ADAM22: variants seen among roughly 807,000 people sequenced by gnomAD.
ADAM22 encodes the protein disintegrin and metalloproteinase domain-containing protein 22.
A neutral mutation model predicts 144.6 loss-of-function variants in ADAM22; 65 were observed. The observed-to-expected ratio is 0.45, with a 90% CI of 0.37 to 0.55. The LOEUF (loss-of-function observed/expected upper bound fraction) is 0.55, where lower values mean the gene tolerates loss of function less well. Among genes scored for constraint, ADAM22 ranks in the 20% least tolerant of loss-of-function variants. ADAM22 has a pLI of 0.00. For missense variants in ADAM22, 974 were observed against 1,184.9 expected (o/e 0.82, Z 2.61); for synonymous variants, 391 against 412.6 (o/e 0.95, Z 0.63).
chr7:88,028,084 C>CT (rs1171025335), intron 3 of ADAM22, among the ~76,000 whole-genome samples: 1 of 152,172 alleles, frequency 6.6e-6, no homozygotes, highest in Non-Finnish European at 1.5e-5. Context: ...TGTGTCCAGC[C>CT]TTTTTTCTAC....
At chr7:88,141,400 G>C (rs1434362552) in intron 14 of ADAM22, among the ~76,000 whole-genome samples, 1 of 151,916 alleles carries the variant, frequency 6.6e-6, no homozygotes, top group Non-Finnish European at 1.5e-5. Context: ...ATGAGTTTAG[G>C]GTAAATAATC....
intron 3 of ADAM22, among the ~76,000 whole-genome samples, chr7:88,022,542 T>A (rs569479115): frequency 6.6e-6 from 1 of 152,286 alleles, no homozygotes; most frequent in African/African-American, 2.4e-5. Flanking sequence ...AAAGAGGATT[T>A]GGGTTAATGA....
At chr7:87,936,790 C>G (rs1336103877) in intron 2 of ADAM22, among the ~76,000 whole-genome samples, 2 of 151,040 alleles carry the variant, frequency 1.3e-5, no homozygotes, top group Non-Finnish European at 2.9e-5. Flanking sequence ...ATTTCCAGTT[C>G]TCGTAAATAT....
intron 18 of ADAM22, among the ~76,000 whole-genome samples, chr7:88,150,227 C>G (rs1000008544): frequency 2.6e-5 from 4 of 152,134 alleles, no homozygotes; most frequent in African/African-American, 9.7e-5. Flanking sequence ...TTTACAAGTT[C>G]AATTTGCATT....
At chr7:88,188,836 A>G (rs1028382696) in intron 30 of ADAM22, among the ~76,000 whole-genome samples, 1 of 152,150 alleles carries the variant, frequency 6.6e-6, no homozygotes, top group Admixed American at 6.5e-5. Flanking sequence ...CTTCCTGTCA[A>G]AACCACCACT....
intron 4 of ADAM22, among the ~76,000 whole-genome samples, chr7:88,101,589 A>C (rs1016144325): frequency 2.6e-5 from 4 of 152,170 alleles, no homozygotes; most frequent in African/African-American, 9.7e-5. Context: ...ATGATATCCT[A>C]TGACCAGCAC....
intron 3 of ADAM22, among the ~76,000 whole-genome samples, chr7:88,019,309 A>G (rs1797208937): frequency 6.6e-6 from 1 of 151,614 alleles, no homozygotes; most frequent in Non-Finnish European, 1.5e-5. Flanking sequence ...CTCTGTCTCT[A>G]TTAAAAATAC....
chr7:87,983,280 T>A (rs1854161236), intron 3 of ADAM22, among the ~76,000 whole-genome samples: 1 of 152,184 alleles, frequency 6.6e-6, no homozygotes, highest in South Asian at 2.1e-4. Context: ...TTTACAGTGC[T>A]GAGTCTTCCC....
chr7:88,143,028 A>G lies in ADAM22; in HGVS notation c.1223A>G (p.Tyr408Cys). Reference protein sequence around the residue: ...WSGCIMGDTGYYLPKKFTQCN... With the variant: ...WSGCIMGDTGCYLPKKFTQCN... ...ATTGCTTTTCTTCTCTTTTATAGCT[A>G]TTATCTTCCTAAAAAGTTCACCCAG... The change falls in exon 15 of 32, where the codon TAT (tyrosine) becomes TGT (cysteine). Residue 408 changes from tyrosine to cysteine, a missense_variant and splice_region_variant. Transcript: ENST00000413139. 1.9e-6 allele frequency: 3 copies of G among 1,596,602 alleles called. No homozygotes were observed. The highest frequency in any genetic ancestry group is 2.6e-6 in the Non-Finnish European group (3 of 1,166,032).
intron 2 of ADAM22, among the ~76,000 whole-genome samples, chr7:87,944,346 C>T (rs1244780667): frequency 2.0e-5 from 3 of 152,044 alleles, no homozygotes; most frequent in Non-Finnish European, 4.4e-5. Flanking sequence ...GGTTTTCTTT[C>T]TTTGGATTAA....
In ADAM22 at chr7:88,200,694, T is replaced by C. The variant is rs1851138274; in HGVS notation, c.*4203T>C. 6.6e-6 allele frequency: 1 copy of C among 152,256 alleles called. No individual in the cohort carries two copies. The highest frequency in any genetic ancestry group is 1.5e-5 in the Non-Finnish European group (1 of 68,048). 9.4% of individuals were successfully genotyped at this position (152,256 alleles called of 1,614,324 possible). ...TGGAGTCAAGATAAATTTCTCATTC[T>C]TGCTCTACAGTTTAAGATGTATAAG... On this transcript the variant is annotated 3_prime_UTR_variant, in exon 32 of 32. Transcript: ENST00000413139.
At chr7:88,062,712 C>T (rs1036794554) in intron 3 of ADAM22, among the ~76,000 whole-genome samples, 1 of 152,206 alleles carries the variant, frequency 6.6e-6, no homozygotes, top group African/African-American at 2.4e-5. Flanking sequence ...GCCTTCCTCA[C>T]TAAGCTTAAT....
chr7:88,125,714 T>C (rs1314247046), intron 8 of ADAM22, 55 bp downstream of exon 8: 6 of 1,364,668 alleles, frequency 4.4e-6, no homozygotes, highest in Non-Finnish European at 6.0e-6. Context: ...CAACTGCCAG[T>C]CATTTGAATC....
chr7:88,017,235 T>C (rs1796733171), intron 3 of ADAM22, among the ~76,000 whole-genome samples: 1 of 152,206 alleles, frequency 6.6e-6, no homozygotes, highest in African/African-American at 2.4e-5. Flanking sequence ...TTAACGATAA[T>C]TTATTGTATA....
At chr7:87,982,063 AT>A in intron 3 of ADAM22, among the ~76,000 whole-genome samples, 1 of 116,070 alleles carries the variant, frequency 8.6e-6, no homozygotes, top group Non-Finnish European at 1.7e-5. Flanking sequence ...ATATATATAT[AT>A]ATATACACAC....
At chr7:88,167,529 C>T (rs1314417875) in intron 24 of ADAM22, among the ~76,000 whole-genome samples, 2 of 152,160 alleles carry the variant, frequency 1.3e-5, no homozygotes, top group Admixed American at 1.3e-4. Context: ...AATCCTCCAG[C>T]TCACTCAACT....
intron 3 of ADAM22, among the ~76,000 whole-genome samples, chr7:88,051,740 C>T (rs969762856): frequency 6.6e-6 from 1 of 151,662 alleles, no homozygotes; most frequent in Non-Finnish European, 1.5e-5. Context: ...TTCAGTAGTC[C>T]ATTTTTTGCT....
At chr7:87,959,741 A>G (rs1458833685) in intron 2 of ADAM22, among the ~76,000 whole-genome samples, 1 of 152,238 alleles carries the variant, frequency 6.6e-6, no homozygotes, top group African/African-American at 2.4e-5. Flanking sequence ...TATTATAAAA[A>G]AAGTTGAGTC....
chr7:88,140,385 C>T (rs535625018), intron 14 of ADAM22, among the ~76,000 whole-genome samples: 12 of 152,062 alleles, frequency 7.9e-5, no homozygotes, highest in Admixed American at 3.3e-4. Flanking sequence ...TAAGGGTCCA[C>T]GGCAACTGAA....
Sources: gnomAD v4.1 joint callset for allele counts (sites outside exome capture counted in the v4.1 genomes callset) on GRCh38, gnomAD v4.1.1 for gene constraint, MANE v1.5 for transcripts, NCBI Gene and HGNC (gene_info 2026-07-23, HGNC 2026-07-21) for gene names.